Variants in JAKMIP2 observed in about 807,000 individuals in gnomAD.
JAKMIP2 encodes janus kinase and microtubule interacting protein 2.
A neutral mutation model predicts 115.0 loss-of-function variants in JAKMIP2; 25 were observed. The ratio of observed to expected loss-of-function variants is 0.22; its 90% CI spans 0.16 to 0.30. JAKMIP2 has a LOEUF of 0.30. Ranked by LOEUF, JAKMIP2 falls within the 10% of genes least tolerant of loss-of-function variation. JAKMIP2 has a pLI of 1.00. For synonymous variants in JAKMIP2, 334 were observed against 343.6 expected (o/e 0.97, Z 0.31); for missense variants, 642 against 957.6 (o/e 0.67, Z 4.35).
intron 5 of JAKMIP2, 32 bp downstream of exon 5, chr5:147,648,344 C>T: frequency 8.7e-7 from 1 of 1,150,432 alleles, no homozygotes; most frequent in Admixed American, 1.7e-5. Context: ...TGCTTAACAA[C>T]AACATCAACA....
In JAKMIP2 at chr5:147,671,662, G is replaced by A; in HGVS notation, c.129+16C>T. 7.2e-7 allele frequency: 1 copy of A among 1,397,496 alleles called. No homozygotes were observed. The highest frequency in any genetic ancestry group is 2.7e-5 in the East Asian group (1 of 36,614). The allele number at this position is 1,397,496 out of a possible 1,614,324, so 86.6% of individuals were successfully genotyped here. Reference sequence around the variant, plus strand: ...AGCTGCTCTTAATGCCACGACCTCAGGTAGCCCTCGCTCACCTTGGACTTC... The same window carrying A: ...AGCTGCTCTTAATGCCACGACCTCAAGTAGCCCTCGCTCACCTTGGACTTC... On this transcript the variant is annotated intron_variant, in intron 2 of 21. Transcript: ENST00000616793.
chr5:147,642,031 C>T (rs1757902821), intron 7 of JAKMIP2, among the ~76,000 whole-genome samples: 1 of 152,130 alleles, frequency 6.6e-6, no homozygotes, highest in African/African-American at 2.4e-5. Context: ...CTGTTTTATA[C>T]TTGAACATCA....
chr5:147,671,009 A>G (rs527902211), intron 2 of JAKMIP2, among the ~76,000 whole-genome samples: 1 of 152,304 alleles, frequency 6.6e-6, no homozygotes, highest in South Asian at 2.1e-4. Flanking sequence ...TCTGTTTTAG[A>G]GACTGTGGTC....
chr5:147,643,504 C>T (rs776547450), intron 7 of JAKMIP2, among the ~76,000 whole-genome samples: 6 of 152,122 alleles, frequency 3.9e-5, no homozygotes, highest in Non-Finnish European at 7.4e-5. Flanking sequence ...CAAACCTCAG[C>T]CAAACTCTGA....
At chr5:147,746,380 T>C (rs1482605129) in intron 1 of JAKMIP2, among the ~76,000 whole-genome samples, 2 of 152,160 alleles carry the variant, frequency 1.3e-5, no homozygotes, top group African/African-American at 2.4e-5. Flanking sequence ...AACACAAAGA[T>C]AGAACTTCAG....
chr5:147,721,125 G>A (rs1250390829), intron 1 of JAKMIP2, among the ~76,000 whole-genome samples: 2 of 151,864 alleles, frequency 1.3e-5, no homozygotes, highest in African/African-American at 4.9e-5. Context: ...GTGTCAGTGT[G>A]CCCCTGCTGG....
chr5:147,745,968 C>T (rs1754333079), intron 1 of JAKMIP2, among the ~76,000 whole-genome samples: 1 of 152,000 alleles, frequency 6.6e-6, no homozygotes, highest in Non-Finnish European at 1.5e-5. Context: ...TATATAATTA[C>T]ACTTAACTGA....
At chr5:147,639,857 T>C in intron 9 of JAKMIP2, 97 bp from the exon 10 acceptor site, 6 of 1,427,622 alleles carry the variant, frequency 4.2e-6, no homozygotes, top group Non-Finnish European at 5.7e-6. Context: ...TTACAAGAAG[T>C]AAAAGGTTGT....
intron 8 of JAKMIP2, 42 bp from the exon 9 acceptor site, chr5:147,640,865 G>C (rs778955793): frequency 1.8e-5 from 28 of 1,590,646 alleles, no homozygotes; most frequent in Non-Finnish European, 2.3e-5. Flanking sequence ...ATAGCTAACA[G>C]TAGGGAAAGT....
At chr5:147,627,678 T>TG (rs1757160008) in intron 16 of JAKMIP2, among the ~76,000 whole-genome samples, 1 of 70,322 alleles carries the variant, frequency 1.4e-5, no homozygotes, top group Non-Finnish European at 2.5e-5. Context: ...AGCCTTTCTG[T>TG]AAAAAAAAAA....
At chr5:147,633,332 A>G (rs1375306196) in intron 12 of JAKMIP2, among the ~76,000 whole-genome samples, 1 of 152,166 alleles carries the variant, frequency 6.6e-6, no homozygotes, top group African/African-American at 2.4e-5. Flanking sequence ...CCCACACATG[A>G]TCATGCAAAC....
At chr5:147,679,610 C>A (rs776906092) in intron 1 of JAKMIP2, among the ~76,000 whole-genome samples, 1 of 152,188 alleles carries the variant, frequency 6.6e-6, no homozygotes, top group Non-Finnish European at 1.5e-5. Flanking sequence ...CTTAATGAAG[C>A]TCCTACTCTG....
intron 21 of JAKMIP2, chr5:147,594,428 G>A (rs1755252315): frequency 6.6e-6 from 3 of 455,374 alleles, no homozygotes; most frequent in South Asian, 3.1e-5. Flanking sequence ...TCGACCTCTG[G>A]GGCTTAAGCC....
chr5:147,618,464 C>T lies in JAKMIP2; in HGVS notation c.2143-350G>A, dbSNP rs370990142. ...TCTACTTGACAGCTCTGGCCAGGCA[C>T]GGTGGCTCACACCTGTAATCCCAGC... is the stretch of plus-strand genomic sequence containing the variant. On this transcript the variant is annotated intron_variant, in intron 18 of 21. Coordinates refer to ENST00000616793, the MANE Select transcript of JAKMIP2 (RefSeq NM_001270941.2). Among the ~76,000 whole-genome samples, 27 of 152,032 alleles carry T rather than the reference C, an allele frequency of 1.8e-4. 1 individual carries two copies. Among genetic ancestry groups the T allele is most frequent in the Admixed American group, 1.8e-3 (27 of 15,266 alleles).
chr5:147,657,822 G>A (rs1057103957), intron 3 of JAKMIP2, among the ~76,000 whole-genome samples: 9 of 151,822 alleles, frequency 5.9e-5, no homozygotes, highest in African/African-American at 1.2e-4. Context: ...TATGCTTCAC[G>A]AAGTTCTCGT....
chr5:147,645,831 T>C, intron 5 of JAKMIP2, among the ~76,000 whole-genome samples: 1 of 152,176 alleles, frequency 6.6e-6, no homozygotes, highest in East Asian at 1.9e-4. Flanking sequence ...CATCAGATAT[T>C]GCCAAAATCG....
chr5:147,673,383 C>A (rs149701416), intron 1 of JAKMIP2, among the ~76,000 whole-genome samples: 34 of 152,318 alleles, frequency 2.2e-4, no homozygotes, highest in African/African-American at 7.9e-4. Flanking sequence ...CTCCTGCTGA[C>A]CACCCATATG....
chr5:147,648,463 T>G lies in JAKMIP2; in HGVS notation c.849A>C (p.Arg283Ser). The change falls in exon 5 of 22, where the codon AGA (arginine) becomes AGC (serine). Residue 283 changes from arginine to serine, a missense_variant. Arg to Ser is a moderately radical substitution (Grantham distance 110). Transcript: ENST00000616793. ...SEHCSSPDLR[R>S]NQKRIAELNA... is the part of the protein sequence containing the mutation. ...TCAATTCAGCTATTCTCTTTTGATT[T>G]CTTCGCAAATCCTACAAAGAAAAAT... 1 of 1,590,698 alleles carries G rather than the reference T, an allele frequency of 6.3e-7. No homozygotes were observed. The highest frequency in any genetic ancestry group is 8.6e-7 in the Non-Finnish European group (1 of 1,160,226).
intron 12 of JAKMIP2, 68 bp downstream of exon 12, chr5:147,636,154 C>T (rs1400209640): frequency 8.3e-6 from 11 of 1,320,334 alleles, no homozygotes; most frequent in South Asian, 4.8e-5. Context: ...CCTGAGAGCA[C>T]CCCCTGCTGC....
Sources: gnomAD v4.1 joint callset for allele counts (sites outside exome capture counted in the v4.1 genomes callset) on GRCh38, gnomAD v4.1.1 for gene constraint, MANE v1.5 for transcripts, NCBI Gene and HGNC (gene_info 2026-07-23, HGNC 2026-07-21) for gene names.